The following SALL1 variants were observed in gnomAD, a reference collection of about 807,000 sequenced individuals.
SALL1 encodes the protein spalt like transcription factor 1.
Under a neutral mutation model 73.1 loss-of-function variants are expected in SALL1, and 10 were observed. The observed-to-expected ratio is 0.14, with a 90% confidence interval of 0.08 to 0.23. The LOEUF is 0.23. Among genes scored for constraint, SALL1 ranks in the 10% least tolerant of loss-of-function variants. SALL1 has a pLI of 1.00. For synonymous variants in SALL1, 688 were observed against 689.8 expected, an observed-to-expected ratio of 1.00 and a Z score of 0.04; for missense variants, 1,520 against 1,697.3, an observed-to-expected ratio of 0.90 and a Z score of 1.84.
chr16:51,137,582 C>CAG (rs142249003), intron 2 of SALL1, 30 bp from the exon 3 acceptor site: 98 of 1,503,168 alleles, frequency 6.5e-5, no homozygotes, highest in Admixed American at 1.0e-4. Flanking sequence ...GGCAGAGAGA[C>CAG]AGAGAGAGAG....
intron 1 of SALL1, among the ~76,000 whole-genome samples, chr16:51,146,481 T>C (rs1176864291): frequency 6.6e-6 from 1 of 152,174 alleles, no homozygotes; most frequent in Non-Finnish European, 1.5e-5. Flanking sequence ...TACATAAACA[T>C]TGGCAAAGGC....
chr16:51,141,965 G>T lies in SALL1; in HGVS notation c.257C>A (p.Ser86Tyr). Reference sequence around the variant, plus strand: ...AGGATTATCAGGAGGGGGGCTGGGGGAGAAGGTTTCGGGTGGGGAGGCTGG... The same window carrying T: ...AGGATTATCAGGAGGGGGGCTGGGGTAGAAGGTTTCGGGTGGGGAGGCTGG... ...ENPASPPETFSPSPPPDNPDE... is the reference protein window; with the variant it reads ...ENPASPPETFYPSPPPDNPDE... The change falls in exon 2 of 3, where the codon TCC becomes TAC. Residue 86 changes from serine (S) to tyrosine (Y), a missense_variant. By Grantham distance (144) the Ser-to-Tyr change is moderately radical. Transcript: ENST00000251020. The surrounding 1 kb of genome is among the most constrained non-coding windows in gnomAD (Gnocchi z 5.4). The T allele has an allele frequency of 6.2e-7, 1 of 1,613,786 alleles. No individual in the cohort carries two copies. The highest frequency in any genetic ancestry group is 8.5e-7 in the Non-Finnish European group (1 of 1,179,852).
At chr16:51,138,558 A>G (rs2143435590) in intron 2 of SALL1, 130 bp downstream of exon 2, 1 of 1,212,720 alleles carries the variant, frequency 8.2e-7, no homozygotes. Context: ...AACCATGTGC[A>G]GCAGGTTCCC....
rs906621053 is a variant in SALL1, at chr16:51,140,248, G to A, written c.1974C>T (p.Phe658=). 2.5e-6 allele frequency: 4 copies of A among 1,614,216 alleles called. No individual in the cohort carries two copies. In the African/African-American group the frequency reaches 4.0e-5, roughly 16 times the overall value. ...DCGPAGSATT[F]TNPLLPLMSE... is the part of the protein sequence containing the mutation. ...ACATGAGCGGCAACAAAGGGTTGGT[G>A]AAGGTGGTGGCACTGCCCGCGGGGC... Residue 658 remains phenylalanine, a synonymous_variant, in exon 2 of 3, where the codon TTC becomes TTT. Transcript: ENST00000251020. This position sits in a 1 kb window ranked among gnomAD's most constrained non-coding sequence, Gnocchi z 5.7.
At chr16:51,144,121 T>C (rs925908726) in intron 1 of SALL1, among the ~76,000 whole-genome samples, 13 of 152,178 alleles carry the variant, frequency 8.5e-5, no homozygotes, top group Admixed American at 8.5e-4. Flanking sequence ...GTGACAAAAA[T>C]TCTCTTTAAA....
chr16:51,146,005 T>A (rs1163835870), intron 1 of SALL1, among the ~76,000 whole-genome samples: 1 of 150,212 alleles, frequency 6.7e-6, no homozygotes, highest in East Asian at 1.9e-4. Context: ...TTTTTCTTTT[T>A]TTTTTTTTCT....
Position 51,141,686 on chromosome 16 carries a change from A to G in SALL1, c.536T>C (p.Leu179Pro). ...TSAITTSLPQ[L>P]GDLTTLGNFS... ...GTTGCCCAGTGTTGTCAGGTCCCCG[A>G]GTTGAGGTAGAGAGGTTGTGATCGC... is the stretch of plus-strand genomic sequence containing the variant. The change falls in exon 2 of 3, where the codon CTC becomes CCC. Residue 179 changes from leucine to proline, a missense_variant. Physicochemically the swap from Leu to Pro is moderately conservative, Grantham distance 98 (BLOSUM62 -3). Around this residue, in one of 7 missense-constraint regions of SALL1, gnomAD observed 540 missense variants for 567.5 expected, o/e 0.95. Coordinates refer to ENST00000251020, the MANE Select transcript of SALL1 (RefSeq NM_002968.3). This position sits in a 1 kb window ranked among gnomAD's most constrained non-coding sequence, Gnocchi z 5.4. The G allele has an allele frequency of 6.2e-7, 1 of 1,613,328 alleles. No homozygotes were observed. Among genetic ancestry groups the G allele is most frequent in the Non-Finnish European group, 8.5e-7 (1 of 1,179,954 alleles).
In SALL1 at chr16:51,139,965, A is replaced by C. The variant is rs758951499; in HGVS notation, c.2257T>G (p.Tyr753Asp). The C allele has an allele frequency of 6.2e-7, 1 of 1,614,192 alleles. No homozygotes were observed. Among genetic ancestry groups the C allele is most frequent in the Non-Finnish European group, 8.5e-7 (1 of 1,180,034 alleles). Residue 753 changes from tyrosine (Y) to aspartate (D), a missense_variant, in exon 2 of 3, where the codon TAC becomes GAC. By Grantham distance (160) the Tyr-to-Asp change is radical. This residue lies in a region of SALL1 where 77 missense variants were observed against 117.2 expected (regional missense o/e 0.66). Transcript: ENST00000251020. ...GGGGGCATAGCACGATGGACACTGT[A>C]GTGGGTTTTAAGATTCCCTTTCGTG... ...FTTKGNLKTHYSVHRAMPPLR... is the reference protein window; with the variant it reads ...FTTKGNLKTHDSVHRAMPPLR...
Position 51,141,728 on chromosome 16 carries a change from G to A in SALL1, c.494C>T (p.Ser165Phe), listed in dbSNP as rs773094147. The A allele has an allele frequency of 1.2e-6, 2 of 1,612,860 alleles. No individual in the cohort carries two copies. The highest frequency in any genetic ancestry group is 1.7e-5 in the Admixed American group (1 of 59,998). Reference sequence around the variant, plus strand: ...TGTGATCGCTGAGGTACCTGTGGAGGAGCTGCCGCCGCCGCCGCTGCTGCT... The same window carrying A: ...TGTGATCGCTGAGGTACCTGTGGAGAAGCTGCCGCCGCCGCCGCTGCTGCT... ...SSSSSGGGGSSSTGTSAITTS... is the reference protein window; with the variant it reads ...SSSSSGGGGSFSTGTSAITTS... Residue 165 changes from serine (S) to phenylalanine (F), a missense_variant, in exon 2 of 3, where the codon TCC becomes TTC. Coordinates refer to ENST00000251020, the MANE Select transcript of SALL1 (RefSeq NM_002968.3). This position sits in a 1 kb window ranked among gnomAD's most constrained non-coding sequence, Gnocchi z 5.4.
At chr16:51,144,269 G>A (rs1962485279) in intron 1 of SALL1, among the ~76,000 whole-genome samples, 1 of 152,140 alleles carries the variant, frequency 6.6e-6, no homozygotes, top group African/African-American at 2.4e-5. Context: ...TAATGGTTAT[G>A]TTTCCATCTA....
Position 51,141,532 on chromosome 16 carries a change from C to T in SALL1, c.690G>A (p.Met230Ile). 1.2e-6 allele frequency: 2 copies of T among 1,614,106 alleles called. No homozygotes were observed. Among genetic ancestry groups the T allele is most frequent in the South Asian group, 2.2e-5 (2 of 91,076 alleles). The change falls in exon 2 of 3, where the codon ATG (methionine) becomes ATA (isoleucine). Residue 230 changes from methionine to isoleucine, a missense_variant. Met to Ile is a conservative substitution (Grantham distance 10, BLOSUM62 1). Coordinates refer to ENST00000251020, the MANE Select transcript of SALL1 (RefSeq NM_002968.3). This position sits in a 1 kb window ranked among gnomAD's most constrained non-coding sequence, Gnocchi z 5.4. ...GCTGCTGCAGAGCTAGGAGTTGTTC[C>T]ATGAGGGCTGGGACGGCCAGCTTGC... Reference protein sequence around the residue: ...SGGKLAVPALMEQLLALQQQQ... With the variant: ...SGGKLAVPALIEQLLALQQQQ...
At chr16:51,147,750 T>G (rs1962539070) in intron 1 of SALL1, among the ~76,000 whole-genome samples, 1 of 146,908 alleles carries the variant, frequency 6.8e-6, no homozygotes, top group South Asian at 2.2e-4. Context: ...GTTACAGGAA[T>G]CTTAAAAACG....
At position 51,138,961 on chromosome 16, in the gene SALL1, T is replaced by C; in HGVS notation, c.3261A>G (p.Thr1087=). ...AAACATGCACGAAGCCGTTGACCTC[T>C]GTCTTGATGAGAGATGACAACGAGT... is the stretch of plus-strand genomic sequence containing the variant. ...PANSLSSLIK[T]EVNGFVHVSP... The change falls in exon 2 of 3, where the codon ACA becomes ACG. Residue 1087 remains threonine (T), a synonymous_variant. Coordinates refer to ENST00000251020, the MANE Select transcript of SALL1 (RefSeq NM_002968.3). The C allele has an allele frequency of 6.2e-7, 1 of 1,614,182 alleles. No individual in the cohort carries two copies. The highest frequency in any genetic ancestry group is 8.5e-7 in the Non-Finnish European group (1 of 1,180,044).
intron 1 of SALL1, among the ~76,000 whole-genome samples, chr16:51,145,065 C>T (rs759948855): frequency 2.0e-5 from 3 of 148,334 alleles, no homozygotes; most frequent in Non-Finnish European, 4.5e-5. Context: ...TATCTGCATT[C>T]GGAACAAAAT....
Position 51,140,926 on chromosome 16 carries a change from A to G in SALL1, c.1296T>C (p.Asn432=), listed in dbSNP as rs1474501560. Residue 432 remains asparagine (N), a synonymous_variant, in exon 2 of 3, where the codon AAT becomes AAC. Transcript: ENST00000251020. The surrounding 1 kb of genome is among the most constrained non-coding windows in gnomAD (Gnocchi z 5.7). ...TACTTTTCGCTTCAAAGGCAGTGAC[A>G]TTTGGTGGCTTGCTTTTTCTTTGCT... ...LAQQRKSKPP[N]VTAFEAKSTS... 6 of 1,614,094 alleles carry G rather than the reference A, an allele frequency of 3.7e-6. No individual in the cohort carries two copies. Among genetic ancestry groups the G allele is most frequent in the Non-Finnish European group, 5.1e-6 (6 of 1,180,056 alleles).
At chr16:51,151,321 G>A (rs571964423), upstream of SALL1, 11 of 1,084,202 alleles carry the variant, frequency 1.0e-5, no homozygotes, top group Admixed American at 2.2e-4. Context: ...TCGAGCGGCG[G>A]CGGCGGCGGC....
intron 1 of SALL1, chr16:51,149,173 T>C (rs1399917602): frequency 6.6e-6 from 1 of 152,620 alleles, no homozygotes; most frequent in Non-Finnish European, 1.5e-5. Flanking sequence ...TATTGCTTTA[T>C]GAGAAGACTT....
chr16:51,144,994 C>T (rs1371840064), intron 1 of SALL1, among the ~76,000 whole-genome samples: 1 of 151,834 alleles, frequency 6.6e-6, no homozygotes, highest in Non-Finnish European at 1.5e-5. Flanking sequence ...ATACTGGTAT[C>T]TATTTTGATT....
rs1667342198 is a variant in SALL1, at chr16:51,136,213, A to G, written c.*899T>C. ...AGAAGCATTTGCTCTTGTAAGGAAC[A>G]TATGTACATTTGAATGAAAGTGATA... is the stretch of plus-strand genomic sequence containing the variant. On this transcript the variant is annotated 3_prime_UTR_variant, in exon 3 of 3. Transcript: ENST00000251020. The G allele has an allele frequency of 6.6e-6, 1 of 152,658 alleles. No individual in the cohort carries two copies. Among genetic ancestry groups the G allele is most frequent in the African/African-American group, 2.4e-5 (1 of 41,458 alleles). The allele number at this position is 152,658 out of a possible 1,614,324, so 9.5% of individuals were successfully genotyped here.
Sources: gnomAD v4.1 joint callset for allele counts (sites outside exome capture counted in the v4.1 genomes callset) on GRCh38, gnomAD v4.1.1 for gene constraint, gnomAD v4.1.1 regional missense constraint, Gnocchi (gnomAD v3.1) non-coding constraint, MANE v1.5 for transcripts, NCBI Gene and HGNC (gene_info 2026-07-23, HGNC 2026-07-21) for gene names.